Variants in FBXW10B observed in about 807,000 individuals in gnomAD.
The protein encoded by FBXW10B is F-box and WD repeat domain containing 10B, also known as F-box and WD repeat domain containing protein 10B.
chr17:15,587,339 T>C, the FBXW10B span, among the ~76,000 whole-genome samples: 1 of 151,598 alleles, frequency 6.6e-6, no homozygotes, highest in Non-Finnish European at 1.5e-5. Context: ...GTCTCTCAGC[T>C]GTAATTTATA....
At chr17:15,569,920 ATTTG>A in the FBXW10B span, among the ~76,000 whole-genome samples, 14 of 152,130 alleles carry the variant, frequency 9.2e-5, no homozygotes, top group Admixed American at 2.0e-4. Flanking sequence ...CAATGGCATT[ATTTG>A]TTTGTTTGTT....
At chr17:15,584,853 T>G in the FBXW10B span, among the ~76,000 whole-genome samples, 1 of 152,192 alleles carries the variant, frequency 6.6e-6, no homozygotes, top group Non-Finnish European at 1.5e-5. Context: ...AAATGGCCTA[T>G]CTCAATAAAT....
the FBXW10B span, among the ~76,000 whole-genome samples, chr17:15,594,364 C>T: frequency 6.7e-6 from 1 of 149,864 alleles, no homozygotes; most frequent in South Asian, 2.1e-4. Context: ...CCCAGCTACT[C>T]AGAAGGCTGA....
the FBXW10B span, among the ~76,000 whole-genome samples, chr17:15,571,067 C>T: frequency 1.3e-5 from 2 of 152,098 alleles, no homozygotes; most frequent in African/African-American, 2.4e-5. Context: ...CAAAAGGGGC[C>T]GGGCACAGTG....
At chr17:15,595,740 A>T in the FBXW10B span, among the ~76,000 whole-genome samples, 6 of 152,116 alleles carry the variant, frequency 3.9e-5, no homozygotes, top group African/African-American at 1.4e-4. Flanking sequence ...CGCTAAGGCT[A>T]GGGGTTCCGA....
chr17:15,578,485 A>G, the FBXW10B span, among the ~76,000 whole-genome samples: 6 of 152,144 alleles, frequency 3.9e-5, no homozygotes, highest in African/African-American at 1.4e-4. Context: ...AGGTGAACAA[A>G]GCTATTTTTT....
At chr17:15,574,028 C>T in the FBXW10B span, 6 of 653,276 alleles carry the variant, frequency 9.2e-6, no homozygotes, top group Non-Finnish European at 1.7e-5. Flanking sequence ...TGCCAGCAGT[C>T]GCCAGGTGTC....
At chr17:15,581,634 C>T in the FBXW10B span, among the ~76,000 whole-genome samples, 5 of 151,414 alleles carry the variant, frequency 3.3e-5, no homozygotes, top group East Asian at 3.9e-4. Flanking sequence ...CTAACCAGGC[C>T]GGCCGCAGTC....
the FBXW10B span, among the ~76,000 whole-genome samples, chr17:15,582,563 C>CT: frequency 7.4e-5 from 11 of 149,568 alleles, no homozygotes; most frequent in African/African-American, 1.2e-4. Flanking sequence ...GAGTCCTTTA[C>CT]TTTTTTTTTA....
chr17:15,571,493 C>T, the FBXW10B span: 2 of 152,152 alleles, frequency 1.3e-5, no homozygotes, highest in Non-Finnish European at 2.9e-5. Context: ...CGCCTATTAG[C>T]ATAATTAACA....
chr17:15,597,661 G>A, the FBXW10B span, among the ~76,000 whole-genome samples: 1 of 152,058 alleles, frequency 6.6e-6, no homozygotes, highest in Admixed American at 6.6e-5. Context: ...AAAGGAAGAT[G>A]TTGAAAGTGA....
chr17:15,583,200 A>G, the FBXW10B span, among the ~76,000 whole-genome samples: 2 of 126,344 alleles, frequency 1.6e-5, no homozygotes, highest in African/African-American at 2.8e-5. Context: ...CCCTCATTCT[A>G]CTCTCCAGAT....
chr17:15,617,912 T>A, the FBXW10B span, among the ~76,000 whole-genome samples: 3 of 152,212 alleles, frequency 2.0e-5, no homozygotes, highest in Admixed American at 2.0e-4. Flanking sequence ...CCTTATTGTT[T>A]CTTCTGCTTC....
the FBXW10B span, among the ~76,000 whole-genome samples, chr17:15,591,003 A>G: frequency 6.6e-6 from 1 of 151,978 alleles, no homozygotes; most frequent in Admixed American, 6.5e-5. Flanking sequence ...AGTACAGGAG[A>G]CTGGTATGGG....
At chr17:15,601,290 T>A in the FBXW10B span, among the ~76,000 whole-genome samples, 1 of 148,292 alleles carries the variant, frequency 6.7e-6, no homozygotes. Context: ...GCGCCTGTAG[T>A]CCCAGCTACT....
At chr17:15,581,277 A>C in the FBXW10B span, among the ~76,000 whole-genome samples, 1 of 152,236 alleles carries the variant, frequency 6.6e-6, no homozygotes, top group Non-Finnish European at 1.5e-5. Flanking sequence ...AATAATAAAA[A>C]GTATTAAAGT....
the FBXW10B span, among the ~76,000 whole-genome samples, chr17:15,614,664 T>C: frequency 6.6e-6 from 1 of 152,190 alleles, no homozygotes; most frequent in Non-Finnish European, 1.5e-5. Flanking sequence ...ATGAATGGAA[T>C]AAAATTGGTA....
chr17:15,594,482 A>G, the FBXW10B span: 9 of 449,104 alleles, frequency 2.0e-5, no homozygotes, highest in Non-Finnish European at 3.1e-5. Context: ...AAAAAAAAAA[A>G]AAAAATTCAA....
At chr17:15,587,671 A>G in the FBXW10B span, among the ~76,000 whole-genome samples, 1 of 151,986 alleles carries the variant, frequency 6.6e-6, no homozygotes, top group South Asian at 2.1e-4. Flanking sequence ...GGGCCCTCTC[A>G]TAGATACAGG....
Sources: gnomAD v4.1 joint callset for allele counts (sites outside exome capture counted in the v4.1 genomes callset) on GRCh38, gnomAD v4.1.1 for gene constraint, MANE v1.5 for transcripts, NCBI Gene and HGNC (gene_info 2026-07-23, HGNC 2026-07-21) for gene names.